Variants in GRM7 observed in about 807,000 individuals in gnomAD.
GRM7 encodes glutamate metabotropic receptor 7, also known as metabotropic glutamate receptor 7.
GRM7 carries 35 observed loss-of-function variants against 84.5 expected under a neutral mutation model. That is an observed-to-expected ratio of 0.41 (90% CI 0.32 to 0.55). The LOEUF is 0.55. Ranked by LOEUF, GRM7 falls within the 20% of genes least tolerant of loss-of-function variation. GRM7 has a pLI of 0.19. For missense variants in GRM7, 1,003 were observed against 1,194.6 expected (o/e 0.84, Z 2.36); for synonymous variants, 487 against 455.1 (o/e 1.07, Z -0.89).
At position 6,866,795 on chromosome 3, in the gene GRM7, G is replaced by A. The variant is rs530761525; in HGVS notation, c.519+4888G>A. Among the ~76,000 whole-genome samples, 34 of 152,300 alleles carry A rather than the reference G, an allele frequency of 2.2e-4. 1 individual carries two copies. The highest frequency in any genetic ancestry group is 8.2e-4 in the African/African-American group (34 of 41,580). ...TCCTGCCTATCTTCCTGGCCCCAGGGATGAGGTACGTGGCCAGGTCAAATG... is the reference window on the plus strand; with the variant it reads ...TCCTGCCTATCTTCCTGGCCCCAGGAATGAGGTACGTGGCCAGGTCAAATG... On this transcript the variant is annotated intron_variant, in intron 1 of 9. Transcript: ENST00000357716.
At chr3:7,696,820 G>A (rs79122981) in intron 9 of GRM7, among the ~76,000 whole-genome samples, 2,455 of 152,242 alleles carry the variant, frequency 0.016, 77 homozygotes, top group African/African-American at 0.056. Context: ...TATGTGAATC[G>A]TGAACAGTTA....
At chr3:7,650,021 G>A (rs1698851367) in intron 8 of GRM7, among the ~76,000 whole-genome samples, 1 of 152,060 alleles carries the variant, frequency 6.6e-6, no homozygotes, top group South Asian at 2.1e-4. Context: ...TGACTTATTT[G>A]TTTTTATGTT....
At chr3:7,437,735 C>A (rs1200575099) in intron 5 of GRM7, among the ~76,000 whole-genome samples, 1 of 152,012 alleles carries the variant, frequency 6.6e-6, no homozygotes, top group African/African-American at 2.4e-5. Context: ...ATCCTACATC[C>A]AGCCCGCCTC....
chr3:7,048,878 C>T (rs982262738), intron 1 of GRM7, among the ~76,000 whole-genome samples: 2 of 151,886 alleles, frequency 1.3e-5, no homozygotes, highest in Admixed American at 6.6e-5. Context: ...CCCCCGGTAA[C>T]CACCATTCTG....
At chr3:7,425,865 G>A (rs1363177161) in intron 5 of GRM7, among the ~76,000 whole-genome samples, 1 of 152,170 alleles carries the variant, frequency 6.6e-6, no homozygotes, top group African/African-American at 2.4e-5. Context: ...ACTATGACAA[G>A]TAGTTATTGG....
chr3:7,674,457 G>A (rs1700051690), intron 8 of GRM7, among the ~76,000 whole-genome samples: 1 of 152,118 alleles, frequency 6.6e-6, no homozygotes, highest in African/African-American at 2.4e-5. Flanking sequence ...CTTCCAAAGT[G>A]CTGGGATTAC....
At chr3:7,307,059 C>G (rs1031999550) in intron 4 of GRM7, among the ~76,000 whole-genome samples, 8 of 152,098 alleles carry the variant, frequency 5.3e-5, no homozygotes, top group African/African-American at 1.7e-4. Flanking sequence ...CCCTTTCCCC[C>G]CTTATCTCTC....
At chr3:7,439,619 AC>A (rs1697203534) in intron 5 of GRM7, among the ~76,000 whole-genome samples, 1 of 152,146 alleles carries the variant, frequency 6.6e-6, no homozygotes, top group African/African-American at 2.4e-5. Context: ...GTTAGGAATA[AC>A]CCCTGTATTA....
At chr3:7,012,883 G>A (rs76125688) in intron 1 of GRM7, among the ~76,000 whole-genome samples, 1,862 of 152,270 alleles carry the variant, frequency 0.012, 26 homozygotes, top group South Asian at 0.049. Flanking sequence ...TAGGACTACA[G>A]GTGTGCATCA....
chr3:7,598,154 T>C (rs3804882), intron 8 of GRM7, among the ~76,000 whole-genome samples: 3,862 of 152,280 alleles, frequency 0.025, 133 homozygotes, highest in East Asian at 0.098. Flanking sequence ...ATATTGCAGA[T>C]AAGGAATATA....
At chr3:7,261,796 T>C (rs2124959607) in intron 2 of GRM7, among the ~76,000 whole-genome samples, 1 of 152,294 alleles carries the variant, frequency 6.6e-6, no homozygotes, top group East Asian at 1.9e-4. Context: ...TGATAACAAA[T>C]TCCCTCAGCA....
At chr3:6,887,500 G>A (rs1343157134) in intron 1 of GRM7, among the ~76,000 whole-genome samples, 4 of 151,774 alleles carry the variant, frequency 2.6e-5, no homozygotes, top group East Asian at 1.9e-4. Flanking sequence ...TTGTTCTTGC[G>A]ATAGTTTACT....
intron 2 of GRM7, among the ~76,000 whole-genome samples, chr3:7,186,532 G>T (rs950980594): frequency 4.6e-5 from 7 of 152,128 alleles, no homozygotes; most frequent in Non-Finnish European, 7.3e-5. Flanking sequence ...TAAGGCCAGG[G>T]CATAATTATT....
chr3:7,733,037 C>T (rs979648056), intron 9 of GRM7, among the ~76,000 whole-genome samples: 1 of 152,090 alleles, frequency 6.6e-6, no homozygotes, highest in Non-Finnish European at 1.5e-5. Flanking sequence ...AGGGTAGCAG[C>T]GAGGATGACC....
intron 1 of GRM7, among the ~76,000 whole-genome samples, chr3:7,001,150 A>T (rs1418902523): frequency 6.6e-6 from 1 of 152,190 alleles, no homozygotes; most frequent in Non-Finnish European, 1.5e-5. Flanking sequence ...AAATACAATA[A>T]GCCTGGACAA....
chr3:7,691,243 A>T (rs967509460), intron 9 of GRM7: 6 of 1,286,450 alleles, frequency 4.7e-6, no homozygotes, highest in Non-Finnish European at 5.1e-6. Context: ...CACAAAGAGG[A>T]TTGAGATAAC....
chr3:7,260,929 A>T (rs1323853458), intron 2 of GRM7, among the ~76,000 whole-genome samples: 2 of 152,114 alleles, frequency 1.3e-5, no homozygotes, highest in African/African-American at 4.8e-5. Flanking sequence ...CTTTGTTCTC[A>T]TTAGTTTCAA....
chr3:6,898,147 A>G (rs3846161), intron 1 of GRM7, among the ~76,000 whole-genome samples: 32,875 of 152,044 alleles, frequency 0.22, 3,659 homozygotes, highest in African/African-American at 0.24. Context: ...AAAGAATTCG[A>G]AAGGGCTGAT....
intron 4 of GRM7, among the ~76,000 whole-genome samples, chr3:7,347,131 A>G (rs1416555617): frequency 6.6e-6 from 1 of 152,122 alleles, no homozygotes; most frequent in African/African-American, 2.4e-5. Flanking sequence ...CACTTAGTGA[A>G]ATCGATAAAA....
Sources: gnomAD v4.1 joint callset for allele counts (sites outside exome capture counted in the v4.1 genomes callset) on GRCh38, gnomAD v4.1.1 for gene constraint, MANE v1.5 for transcripts, NCBI Gene and HGNC (gene_info 2026-07-23, HGNC 2026-07-21) for gene names.